MAP3K21: variants seen among roughly 807,000 people sequenced by gnomAD.
MAP3K21 encodes mitogen-activated protein kinase kinase kinase 21.
A neutral mutation model predicts 86.1 loss-of-function variants in MAP3K21; 63 were observed. That is an observed-to-expected ratio of 0.73 (90% confidence interval 0.60 to 0.90). The LOEUF (loss-of-function observed/expected upper bound fraction) is 0.90, where lower values mean the gene tolerates loss of function less well. Ranked by LOEUF, MAP3K21 falls within the 40% of genes least tolerant of loss-of-function variation. The pLI, the probability that MAP3K21 is intolerant of heterozygous loss-of-function variation, is 0.00. For missense variants in MAP3K21, 1,220 were observed against 1,367.7 expected, an observed-to-expected ratio of 0.89 and a Z score of 1.70; for synonymous variants, 558 against 564.8, an observed-to-expected ratio of 0.99 and a Z score of 0.17.
chr1:233,375,558 T>G (rs1663776430), intron 6 of MAP3K21, among the ~76,000 whole-genome samples: 1 of 152,206 alleles, frequency 6.6e-6, no homozygotes, highest in African/African-American at 2.4e-5. Context: ...GTTAAAAAAT[T>G]AGAGTACTAA....
chr1:233,347,708 A>T (rs1250405301), intron 2 of MAP3K21, among the ~76,000 whole-genome samples: 1 of 152,188 alleles, frequency 6.6e-6, no homozygotes, highest in Non-Finnish European at 1.5e-5. Flanking sequence ...CGATGGCAAC[A>T]GTAGACGCTG....
At chr1:233,353,217 G>C (rs1663284518) in intron 2 of MAP3K21, among the ~76,000 whole-genome samples, 1 of 152,216 alleles carries the variant, frequency 6.6e-6, no homozygotes, top group Non-Finnish European at 1.5e-5. Context: ...GCAGGTGTAA[G>C]GGGGCCCACA....
intron 2 of MAP3K21, among the ~76,000 whole-genome samples, chr1:233,347,175 G>A (rs1663162085): frequency 6.6e-6 from 1 of 152,148 alleles, no homozygotes; most frequent in African/African-American, 2.4e-5. Flanking sequence ...GATTACAGGT[G>A]TGAGCCACTG....
chr1:233,328,847 G>C lies in MAP3K21; in HGVS notation c.805+14G>C. Reference sequence around the variant, plus strand: ...AGTCCAGCAACAGTAAGTGGGGCCAGAGGGAGGTGGGGGAAGACTACCTCC... The same window carrying C: ...AGTCCAGCAACAGTAAGTGGGGCCACAGGGAGGTGGGGGAAGACTACCTCC... On this transcript the variant is annotated intron_variant, in intron 1 of 9. Coordinates refer to ENST00000366624, the MANE Select transcript of MAP3K21 (RefSeq NM_032435.3). This position sits in a 1 kb window ranked among gnomAD's most constrained non-coding sequence, Gnocchi z 8.7. 2 of 1,495,864 alleles carry C rather than the reference G, an allele frequency of 1.3e-6. No individual in the cohort carries two copies. The highest frequency in any genetic ancestry group is 1.8e-6 in the Non-Finnish European group (2 of 1,118,830). 92.7% of individuals were successfully genotyped at this position (1,495,864 alleles called of 1,614,324 possible).
chr1:233,331,515 G>C (rs576733436), intron 1 of MAP3K21, among the ~76,000 whole-genome samples: 1 of 152,310 alleles, frequency 6.6e-6, no homozygotes, highest in Non-Finnish European at 1.5e-5. Flanking sequence ...AAGTATAACA[G>C]ATACTCTATT....
At chr1:233,334,128 G>T (rs1257751523) in intron 1 of MAP3K21, among the ~76,000 whole-genome samples, 2 of 149,638 alleles carry the variant, frequency 1.3e-5, no homozygotes, top group African/African-American at 4.9e-5. Flanking sequence ...GCCGCCCAAA[G>T]TACTGGGATT....
At chr1:233,365,628 T>G (rs1663558783) in intron 5 of MAP3K21, among the ~76,000 whole-genome samples, 1 of 152,086 alleles carries the variant, frequency 6.6e-6, no homozygotes, top group South Asian at 2.1e-4. Flanking sequence ...AAATAGTAAA[T>G]GTTGGTGAGG....
At chr1:233,340,821 C>T (rs1378397914) in intron 1 of MAP3K21, among the ~76,000 whole-genome samples, 1 of 151,982 alleles carries the variant, frequency 6.6e-6, no homozygotes, top group Admixed American at 6.6e-5. Context: ...TGTTTTCTTG[C>T]TTATGACTTT....
intron 4 of MAP3K21, among the ~76,000 whole-genome samples, chr1:233,359,600 C>G (rs1663428976): frequency 6.6e-6 from 1 of 152,086 alleles, no homozygotes; most frequent in African/African-American, 2.4e-5. Context: ...CTGGGTCCTC[C>G]CTAAACTCCT....
chr1:233,360,325 T>C (rs1275178214), intron 4 of MAP3K21, among the ~76,000 whole-genome samples: 1 of 152,170 alleles, frequency 6.6e-6, no homozygotes, highest in Non-Finnish European at 1.5e-5. Flanking sequence ...TTTCCCCTTT[T>C]TTTCAAGTAG....
intron 6 of MAP3K21, 172 bp downstream of exon 6, chr1:233,372,332 T>C (rs1663701892): frequency 2.5e-5 from 18 of 715,458 alleles, no homozygotes; most frequent in Non-Finnish European, 3.8e-5. Context: ...TTCCTTAGTC[T>C]AATTTTCTTC....
chr1:233,358,905 G>A (rs934310255), intron 4 of MAP3K21, among the ~76,000 whole-genome samples: 23 of 152,144 alleles, frequency 1.5e-4, no homozygotes, highest in Admixed American at 2.6e-4. Context: ...CACCTCCCGA[G>A]TTCAAGTGAT....
intron 2 of MAP3K21, among the ~76,000 whole-genome samples, chr1:233,350,613 A>C (rs1663234419): frequency 6.6e-6 from 1 of 152,134 alleles, no homozygotes; most frequent in Admixed American, 6.5e-5. Flanking sequence ...TCTAACAGTT[A>C]CTGTACTACA....
intron 2 of MAP3K21, among the ~76,000 whole-genome samples, chr1:233,347,869 C>T (rs1663180084): frequency 2.6e-5 from 4 of 151,978 alleles, no homozygotes; most frequent in Admixed American, 2.6e-4. Context: ...CATGTGTACT[C>T]CGTGAATCTG....
chr1:233,336,574 A>T (rs951303088), intron 1 of MAP3K21, among the ~76,000 whole-genome samples: 6 of 152,104 alleles, frequency 3.9e-5, no homozygotes, highest in South Asian at 2.1e-4. Context: ...AAAATAAAAT[A>T]AAAAAATCCC....
At position 233,328,959 on chromosome 1, in the gene MAP3K21, C is replaced by T. The variant is rs1043443877; in HGVS notation, c.805+126C>T. On this transcript the variant is annotated intron_variant, in intron 1 of 9. Transcript: ENST00000366624. The surrounding 1 kb of genome is among the most constrained non-coding windows in gnomAD (Gnocchi z 8.7). ...TTAGGGCGCCAGCAGCAACTCATGC[C>T]CAGGCCTTCAGGGCTCGGAAGTCCA... 1.3e-5 allele frequency: 13 copies of T among 976,348 alleles called. No individual in the cohort carries two copies. In the African/African-American group the frequency reaches 2.2e-4, roughly 17 times the overall value. The allele number at this position is 976,348 out of a possible 1,614,324, so 60.5% of individuals were successfully genotyped here. A position where few individuals can be genotyped will look rare whatever the true frequency, so the allele number is the denominator to read the frequency against.
chr1:233,354,821 T>C lies in MAP3K21; in HGVS notation c.1136-15T>C. 1 of 1,426,420 alleles carries C rather than the reference T, an allele frequency of 7.0e-7. No homozygotes were observed. Among genetic ancestry groups the C allele is most frequent in the South Asian group, 1.2e-5 (1 of 82,316 alleles). The allele number at this position is 1,426,420 out of a possible 1,614,324, so 88.4% of individuals were successfully genotyped here. ...CGTTGAGAGATGGTATTAATGTGAT[T>C]TTTGTTTATTTTAGAATGCTGGCAA... On this transcript the variant is annotated splice_polypyrimidine_tract_variant and intron_variant, in intron 3 of 9. Coordinates refer to ENST00000366624, the MANE Select transcript of MAP3K21 (RefSeq NM_032435.3).
At position 233,346,555 on chromosome 1, in the gene MAP3K21, A is replaced by T. The variant is rs756208185; in HGVS notation, c.919A>T (p.Thr307Ser). Residue 307 changes from threonine (T) to serine (S), a missense_variant, in exon 2 of 10, where the codon ACC becomes TCC. Around this residue, in one of 5 missense-constraint regions of MAP3K21, gnomAD observed 89 missense variants for 144.8 expected, o/e 0.61. Coordinates refer to ENST00000366624, the MANE Select transcript of MAP3K21 (RefSeq NM_032435.3). ...HRTTKMSTAG[T>S]YAWMAPEVIK... ...GACCACCAAAATGAGCACAGCAGGCACCTATGCCTGGATGGCCCCCGAAGT... is the reference window on the plus strand; with the variant it reads ...GACCACCAAAATGAGCACAGCAGGCTCCTATGCCTGGATGGCCCCCGAAGT... 4 of 1,614,024 alleles carry T rather than the reference A, an allele frequency of 2.5e-6. No individual in the cohort carries two copies. The highest frequency in any genetic ancestry group is 1.7e-4 in the Middle Eastern group (1 of 6,058).
chr1:233,378,330 C>A (rs1467143736), intron 8 of MAP3K21, among the ~76,000 whole-genome samples: 1 of 152,182 alleles, frequency 6.6e-6, no homozygotes, highest in Non-Finnish European at 1.5e-5. Flanking sequence ...TAATGGTCCC[C>A]AAACTTCAGT....
Sources: allele counts gnomAD v4.1 joint callset (sites outside exome capture counted in the v4.1 genomes callset), GRCh38; gene constraint gnomAD v4.1.1; regional missense constraint gnomAD v4.1.1; non-coding constraint Gnocchi (gnomAD v3.1); transcripts MANE v1.5; gene names NCBI Gene and HGNC (gene_info 2026-07-23, HGNC 2026-07-21).